AGBL4: variants seen among roughly 807,000 people sequenced by gnomAD.
AGBL4 encodes cytosolic carboxypeptidase 6.
A neutral mutation model predicts 66.4 loss-of-function variants in AGBL4; 58 were observed. That is an observed-to-expected ratio of 0.87 (90% CI 0.71 to 1.09). AGBL4 has a LOEUF of 1.09. AGBL4 is among the 50% of genes least tolerant of loss of function. The probability of loss-of-function intolerance (pLI) is 0.00; values close to 1 mark genes in which losing one functional copy is unlikely to be tolerated. For synonymous variants in AGBL4, 234 were observed against 222.9 expected (o/e 1.05, Z -0.44); for missense variants, 579 against 631.0 (o/e 0.92, Z 0.88).
chr1:49,540,968 T>C (rs1651964237), intron 3 of AGBL4, among the ~76,000 whole-genome samples: 1 of 152,184 alleles, frequency 6.6e-6, no homozygotes, highest in Non-Finnish European at 1.5e-5. Flanking sequence ...AGAAATAGGC[T>C]TGGAGAAATC....
intron 8 of AGBL4, among the ~76,000 whole-genome samples, chr1:48,651,708 T>C (rs888095460): frequency 5.3e-5 from 8 of 152,132 alleles, no homozygotes; most frequent in African/African-American, 1.9e-4. Context: ...CACCCAAGGG[T>C]ACCAGGAAGC....
intron 3 of AGBL4, among the ~76,000 whole-genome samples, chr1:49,489,193 T>G (rs1238780037): frequency 7.9e-5 from 12 of 151,888 alleles, no homozygotes; most frequent in Non-Finnish European, 1.5e-4. Flanking sequence ...CGCTTTCATT[T>G]GTTATTGCCT....
At position 49,396,334 on chromosome 1, in the gene AGBL4, G is replaced by T. The variant is rs918236864; in HGVS notation, c.283-150470C>A. Reference sequence around the variant, plus strand: ...AAAATAAAGACAGGTAGGCATTTGTGTATGAATGTGTGTGTGTGCGTGTGT... The same window carrying T: ...AAAATAAAGACAGGTAGGCATTTGTTTATGAATGTGTGTGTGTGCGTGTGT... On this transcript the variant is annotated intron_variant, in intron 3 of 13. Transcript: ENST00000371839. Among the ~76,000 whole-genome samples the T allele has an allele frequency of 2.0e-5, 3 of 151,730 alleles. No individual in the cohort carries two copies. The East Asian group carries it at 5.8e-4, about 29-fold the overall frequency.
At chr1:48,953,261 C>A (rs1283124987) in intron 5 of AGBL4, among the ~76,000 whole-genome samples, 1 of 152,194 alleles carries the variant, frequency 6.6e-6, no homozygotes, top group African/African-American at 2.4e-5. Context: ...ACCATAGTTT[C>A]TATCCCCATC....
chr1:49,698,768 T>C (rs1246025343), intron 2 of AGBL4, among the ~76,000 whole-genome samples: 1 of 152,104 alleles, frequency 6.6e-6, no homozygotes, highest in African/African-American at 2.4e-5. Context: ...ATATAAAAAT[T>C]AAATATTAAT....
intron 11 of AGBL4, among the ~76,000 whole-genome samples, chr1:48,557,140 A>T (rs1417251558): frequency 6.6e-6 from 1 of 152,074 alleles, no homozygotes; most frequent in East Asian, 1.9e-4. Context: ...TGCAACAATG[A>T]TGTCTGCTTT....
At chr1:49,797,373 GA>G (rs1644756086) in intron 2 of AGBL4, among the ~76,000 whole-genome samples, 1 of 152,128 alleles carries the variant, frequency 6.6e-6, no homozygotes, top group Non-Finnish European at 1.5e-5. Flanking sequence ...CTGTGCCTAG[GA>G]TAAATAGGTA....
intron 4 of AGBL4, among the ~76,000 whole-genome samples, chr1:49,105,184 G>A (rs985937998): frequency 3.9e-5 from 6 of 152,164 alleles, no homozygotes; most frequent in Non-Finnish European, 1.5e-5. Flanking sequence ...CCAGGTGGGA[G>A]GACAGGCATG....
At chr1:48,999,901 G>T (rs1038007414) in intron 5 of AGBL4, among the ~76,000 whole-genome samples, 18 of 152,134 alleles carry the variant, frequency 1.2e-4, no homozygotes, top group African/African-American at 4.3e-4. Context: ...TTCTATTAAA[G>T]CCATACTTGG....
At chr1:48,954,920 T>C (rs1240637436) in intron 5 of AGBL4, among the ~76,000 whole-genome samples, 1 of 152,232 alleles carries the variant, frequency 6.6e-6, no homozygotes, top group Non-Finnish European at 1.5e-5. Context: ...TCAGATAATG[T>C]ATATATAGCA....
chr1:49,524,066 C>T (rs1387019626), intron 3 of AGBL4, among the ~76,000 whole-genome samples: 1 of 152,046 alleles, frequency 6.6e-6, no homozygotes, highest in Non-Finnish European at 1.5e-5. Flanking sequence ...TTAACCCTAA[C>T]ACAAATGCTA....
Position 49,657,300 on chromosome 1 carries a change from G to T in AGBL4, c.282+40013C>A, listed in dbSNP as rs539049639. On this transcript the variant is annotated intron_variant, in intron 3 of 13. Transcript: ENST00000371839. ...AAATACCTAGGAATCCAACTTACAA[G>T]GGATGTGAAGGACCTCTTCAAGGAG... Among the ~76,000 whole-genome samples, 603 of 152,214 alleles carry T rather than the reference G, an allele frequency of 4.0e-3. 1 individual carries two copies. Among genetic ancestry groups the T allele is most frequent in the South Asian group, 8.5e-3 (41 of 4,814 alleles).
chr1:48,702,055 G>A (rs1008577359), intron 6 of AGBL4, among the ~76,000 whole-genome samples: 1 of 152,108 alleles, frequency 6.6e-6, no homozygotes, highest in South Asian at 2.1e-4. Flanking sequence ...TTTGGGGGTG[G>A]GTAATTTCAG....
intron 3 of AGBL4, among the ~76,000 whole-genome samples, chr1:49,572,739 G>A (rs1175281857): frequency 6.6e-6 from 1 of 152,084 alleles, no homozygotes; most frequent in African/African-American, 2.4e-5. Flanking sequence ...ATATTGTGAT[G>A]GTTAATACTG....
In AGBL4 at chr1:49,582,216, T is replaced by C. The variant is rs1321808105; in HGVS notation, c.282+115097A>G. Among the ~76,000 whole-genome samples the C allele has an allele frequency of 5.9e-5, 9 of 152,190 alleles. No homozygotes were observed. In the East Asian group the frequency reaches 1.7e-3, roughly 29 times the overall value. ...GACTGGGCAAACCTGTGCTTGGGCC[T>C]CCTGATGGCAAGTGCATGCATCAGC... is the stretch of plus-strand genomic sequence containing the variant. On this transcript the variant is annotated intron_variant, in intron 3 of 13. Transcript: ENST00000371839.
intron 5 of AGBL4, among the ~76,000 whole-genome samples, chr1:48,899,850 C>T (rs72682918): frequency 0.49 from 74,028 of 152,076 alleles, 21,652 homozygotes; most frequent in Non-Finnish European, 0.67. Flanking sequence ...CAGTTTATTA[C>T]GGGAAGAAAG....
In AGBL4 at chr1:48,981,391, G is replaced by A. The variant is rs140482873; in HGVS notation, c.594+64193C>T. Among the ~76,000 whole-genome samples, 41 of 152,180 alleles carry A rather than the reference G, an allele frequency of 2.7e-4. 1 individual carries two copies. Among genetic ancestry groups the A allele is most frequent in the African/African-American group, 9.4e-4 (39 of 41,522 alleles). Reference sequence around the variant, plus strand: ...TTCTCAAAATAACCCTGTGAGATAGGTTTGTCATTATCCTCATTTCTCCAA... The same window carrying A: ...TTCTCAAAATAACCCTGTGAGATAGATTTGTCATTATCCTCATTTCTCCAA... On this transcript the variant is annotated intron_variant, in intron 5 of 13. Coordinates refer to ENST00000371839, the MANE Select transcript of AGBL4 (RefSeq NM_032785.4).
chr1:49,911,728 C>T (rs1372961012), intron 1 of AGBL4, among the ~76,000 whole-genome samples: 3 of 152,154 alleles, frequency 2.0e-5, no homozygotes, highest in African/African-American at 7.2e-5. Context: ...AGTCCCAGTC[C>T]CCTAAGAGGC....
At chr1:49,531,033 T>A (rs1651102340) in intron 3 of AGBL4, among the ~76,000 whole-genome samples, 1 of 152,126 alleles carries the variant, frequency 6.6e-6, no homozygotes, top group Non-Finnish European at 1.5e-5. Context: ...AATTCTCACC[T>A]CATATGTATT....
Sources: allele counts gnomAD v4.1 joint callset (sites outside exome capture counted in the v4.1 genomes callset), GRCh38; gene constraint gnomAD v4.1.1; transcripts MANE v1.5; gene names NCBI Gene and HGNC (gene_info 2026-07-23, HGNC 2026-07-21).